The following GPC5 variants were observed in gnomAD, a reference collection of about 807,000 sequenced individuals.
GPC5 encodes glypican 5.
A neutral mutation model predicts 53.9 loss-of-function variants in GPC5; 47 were observed. The ratio of observed to expected loss-of-function variants is 0.87; its 90% CI spans 0.69 to 1.11. The LOEUF is 1.11. GPC5 is among the 50% of genes most tolerant of loss of function. The probability of loss-of-function intolerance (pLI) is 0.00; values close to 1 mark genes in which losing one functional copy is unlikely to be tolerated. For synonymous variants in GPC5, 286 were observed against 263.3 expected (o/e 1.09, Z -0.84); for missense variants, 748 against 713.1 (o/e 1.05, Z -0.56).
At chr13:91,958,239 A>G (rs1175062687) in intron 6 of GPC5, among the ~76,000 whole-genome samples, 4 of 151,336 alleles carry the variant, frequency 2.6e-5, no homozygotes, top group African/African-American at 9.7e-5. Context: ...AGCTATACCT[A>G]TGTTAGATAA....
chr13:92,431,391 T>A lies in GPC5; in HGVS notation c.1561+286402T>A, dbSNP rs996408501. Among the ~76,000 whole-genome samples the A allele has an allele frequency of 2.2e-4, 4 of 17,878 alleles. No homozygotes were observed. In the African/African-American group the frequency reaches 2.3e-3, roughly 10 times the overall value. 11.7% of individuals were successfully genotyped at this position (17,878 alleles called of 152,430 possible). On this transcript the variant is annotated intron_variant, in intron 7 of 7. Coordinates refer to ENST00000377067, the MANE Select transcript of GPC5 (RefSeq NM_004466.6). The stretch of plus-strand genomic sequence containing the variant: ...ATATGTGAGACATTAAAGACACAGC[T>A]TTTTTTTTTTTTTTTAAGCTAAAGT...
intron 2 of GPC5, among the ~76,000 whole-genome samples, chr13:91,687,212 C>T (rs922969885): frequency 6.6e-6 from 1 of 151,926 alleles, no homozygotes; most frequent in African/African-American, 2.4e-5. Context: ...TCTTCGGTTT[C>T]TCTCATTACA....
At chr13:92,581,377 A>G (rs1883363291) in intron 7 of GPC5, among the ~76,000 whole-genome samples, 1 of 152,068 alleles carries the variant, frequency 6.6e-6, no homozygotes, top group African/African-American at 2.4e-5. Flanking sequence ...ATATTTATTC[A>G]TTTCATTGCA....
At chr13:92,522,407 G>A (rs914690232) in intron 7 of GPC5, among the ~76,000 whole-genome samples, 2 of 152,142 alleles carry the variant, frequency 1.3e-5, no homozygotes, top group African/African-American at 4.8e-5. Context: ...AGAAAATGTG[G>A]CGCATATACA....
At chr13:91,403,381 CTAT>C (rs966436415) in intron 1 of GPC5, among the ~76,000 whole-genome samples, 8 of 151,986 alleles carry the variant, frequency 5.3e-5, no homozygotes, top group Admixed American at 2.6e-4. Flanking sequence ...TTGTGGTGGG[CTAT>C]TATTATAAGG....
chr13:92,208,007 T>C (rs1254896488), intron 7 of GPC5, among the ~76,000 whole-genome samples: 1 of 152,194 alleles, frequency 6.6e-6, no homozygotes, highest in African/African-American at 2.4e-5. Flanking sequence ...GTGTAGCCTC[T>C]GTCGTTCTTG....
At chr13:92,603,148 A>G (rs897670472) in intron 7 of GPC5, among the ~76,000 whole-genome samples, 1 of 152,188 alleles carries the variant, frequency 6.6e-6, no homozygotes, top group Non-Finnish European at 1.5e-5. Flanking sequence ...TCTTGACATA[A>G]TGGTATAGTA....
intron 2 of GPC5, among the ~76,000 whole-genome samples, chr13:91,621,434 C>A (rs974531005): frequency 6.6e-6 from 1 of 151,908 alleles, no homozygotes; most frequent in Admixed American, 6.6e-5. Context: ...TCCTTTGTTT[C>A]GGTGACAGGT....
At chr13:92,808,707 G>A (rs1382512469) in intron 7 of GPC5, among the ~76,000 whole-genome samples, 2 of 151,926 alleles carry the variant, frequency 1.3e-5, no homozygotes, top group Non-Finnish European at 2.9e-5. Flanking sequence ...AACATAAAAT[G>A]TCTCTCATGT....
At chr13:92,220,262 A>T (rs952830129) in intron 7 of GPC5, among the ~76,000 whole-genome samples, 4 of 140,540 alleles carry the variant, frequency 2.8e-5, no homozygotes, top group Non-Finnish European at 5.9e-5. Flanking sequence ...GAGAAAAGAT[A>T]AAAAAAAATC....
At chr13:91,932,554 C>A (rs2039831707) in intron 6 of GPC5, among the ~76,000 whole-genome samples, 1 of 152,048 alleles carries the variant, frequency 6.6e-6, no homozygotes, top group Non-Finnish European at 1.5e-5. Flanking sequence ...GTTCTTCCTT[C>A]AGAGTTTCCA....
intron 7 of GPC5, among the ~76,000 whole-genome samples, chr13:92,220,206 G>A (rs954426314): frequency 6.6e-6 from 1 of 151,962 alleles, no homozygotes; most frequent in Non-Finnish European, 1.5e-5. Context: ...AAATACTTGA[G>A]CACCAGCCTC....
intron 7 of GPC5, among the ~76,000 whole-genome samples, chr13:92,409,312 A>G (rs1270567617): frequency 6.6e-6 from 1 of 151,864 alleles, no homozygotes; most frequent in Non-Finnish European, 1.5e-5. Flanking sequence ...GAACAATTAA[A>G]AGAAAATATT....
At chr13:91,829,525 T>C (rs1375687351) in intron 5 of GPC5, among the ~76,000 whole-genome samples, 1 of 152,058 alleles carries the variant, frequency 6.6e-6, no homozygotes, top group Non-Finnish European at 1.5e-5. Context: ...TAGGAAACAA[T>C]GTATACACTA....
At chr13:92,719,025 A>C (rs1193862740) in intron 7 of GPC5, among the ~76,000 whole-genome samples, 4 of 152,106 alleles carry the variant, frequency 2.6e-5, no homozygotes, top group African/African-American at 7.2e-5. Flanking sequence ...AGACTATCAA[A>C]ATATCACATG....
intron 7 of GPC5, among the ~76,000 whole-genome samples, chr13:92,287,557 TTG>T (rs1491027494): frequency 6.9e-6 from 1 of 144,734 alleles, no homozygotes; most frequent in Non-Finnish European, 1.5e-5. Context: ...ATATTTCTAA[TTG>T]TTTTATCTTG....
intron 1 of GPC5, among the ~76,000 whole-genome samples, chr13:91,425,661 C>T (rs1878991876): frequency 6.6e-6 from 1 of 152,172 alleles, no homozygotes; most frequent in African/African-American, 2.4e-5. Flanking sequence ...TTATAAATTA[C>T]CCAGTCTTGG....
chr13:92,372,000 A>T (rs1401034671), intron 7 of GPC5, among the ~76,000 whole-genome samples: 5 of 152,188 alleles, frequency 3.3e-5, no homozygotes, highest in Admixed American at 2.0e-4. Context: ...CCCCCAGGTG[A>T]CAGCCAGCAA....
chr13:91,587,601 T>C (rs551292847), intron 2 of GPC5, among the ~76,000 whole-genome samples: 1 of 152,176 alleles, frequency 6.6e-6, no homozygotes, highest in African/African-American at 2.4e-5. Context: ...TTCTCTTTTA[T>C]GAAACATTTT....
Sources: allele counts gnomAD v4.1 joint callset (sites outside exome capture counted in the v4.1 genomes callset), GRCh38; gene constraint gnomAD v4.1.1; transcripts MANE v1.5; gene names NCBI Gene and HGNC (gene_info 2026-07-23, HGNC 2026-07-21).